Variants in ACYP2 observed in about 807,000 individuals in gnomAD.
The protein encoded by ACYP2 is acylphosphatase 2.
ACYP2 carries 12 observed loss-of-function variants against 11.2 expected under a neutral mutation model. The ratio of observed to expected loss-of-function variants is 1.08; its 90% CI spans 0.69 to 1.74. The LOEUF (loss-of-function observed/expected upper bound fraction) is 1.74. Ranked by LOEUF, ACYP2 falls within the 40% of genes most tolerant of loss-of-function variation. The pLI is 0.00. For missense variants in ACYP2, 134 were observed against 101.9 expected (o/e 1.31, Z -1.35); for synonymous variants, 43 against 32.2 (o/e 1.33, Z -1.13).
At chr2:54,144,472 G>A (rs1041846507) in intron 6 of ACYP2, among the ~76,000 whole-genome samples, 2 of 152,134 alleles carry the variant, frequency 1.3e-5, no homozygotes, top group East Asian at 1.9e-4. Context: ...TCAGGAGTTT[G>A]AGACCAGCCT....
At chr2:54,268,649 A>AT (rs909028749) in intron 6 of ACYP2, among the ~76,000 whole-genome samples, 3 of 151,528 alleles carry the variant, frequency 2.0e-5, no homozygotes, top group African/African-American at 7.3e-5. Flanking sequence ...CAAAAAAAAA[A>AT]AAAAAAAAAA....
chr2:54,072,650 C>T (rs1677126411), intron 4 of ACYP2, among the ~76,000 whole-genome samples: 2 of 151,446 alleles, frequency 1.3e-5, no homozygotes, highest in South Asian at 4.2e-4. Context: ...GCAACCTCTG[C>T]CCCCTGGGCT....
At chr2:54,100,391 C>T (rs1268582736) in intron 4 of ACYP2, among the ~76,000 whole-genome samples, 2 of 151,248 alleles carry the variant, frequency 1.3e-5, no homozygotes, top group African/African-American at 4.9e-5. Context: ...AAGCCTCAAC[C>T]TCTGCGGCCC....
chr2:54,209,706 G>C (rs956751342), intron 6 of ACYP2, among the ~76,000 whole-genome samples: 1 of 152,136 alleles, frequency 6.6e-6, no homozygotes, highest in African/African-American at 2.4e-5. Flanking sequence ...TATAGAGACT[G>C]TTAAAAAAGG....
At chr2:54,099,940 C>G (rs563946016) in intron 4 of ACYP2, among the ~76,000 whole-genome samples, 1 of 152,256 alleles carries the variant, frequency 6.6e-6, no homozygotes, top group African/African-American at 2.4e-5. Context: ...TTCTCCACAC[C>G]CTCGCCAACA....
intron 4 of ACYP2, among the ~76,000 whole-genome samples, chr2:54,089,275 C>A (rs1165238801): frequency 6.7e-6 from 1 of 149,640 alleles, no homozygotes. Context: ...TGTTAACTTG[C>A]TAACTAAGTA....
chr2:54,203,626 C>T (rs1684945570), intron 6 of ACYP2, among the ~76,000 whole-genome samples: 1 of 152,002 alleles, frequency 6.6e-6, no homozygotes. Flanking sequence ...GTGGAGAAAG[C>T]TTCTATTACT....
At chr2:54,264,776 A>G (rs1687943644) in intron 6 of ACYP2, among the ~76,000 whole-genome samples, 2 of 152,260 alleles carry the variant, frequency 1.3e-5, no homozygotes, top group South Asian at 2.1e-4. Context: ...TAAAGCTCTC[A>G]AAAGCATTCT....
At chr2:54,249,140 A>C (rs1224872408) in intron 6 of ACYP2, among the ~76,000 whole-genome samples, 1 of 152,050 alleles carries the variant, frequency 6.6e-6, no homozygotes, top group East Asian at 1.9e-4. Context: ...AGGATATTTG[A>C]GCAAAAGGGA....
intron 2 of ACYP2, among the ~76,000 whole-genome samples, chr2:53,980,151 A>G (rs1213272903): frequency 3.3e-5 from 5 of 151,928 alleles, no homozygotes; most frequent in African/African-American, 9.7e-5. Context: ...AAGACCAGCT[A>G]TGTTACCAAG....
At chr2:54,282,177 G>A (rs963788139) in intron 6 of ACYP2, among the ~76,000 whole-genome samples, 3 of 152,094 alleles carry the variant, frequency 2.0e-5, no homozygotes, top group Non-Finnish European at 4.4e-5. Context: ...TGAAATAACA[G>A]AAGAATATAC....
chr2:54,291,694 T>C (rs1469114299), intron 6 of ACYP2, among the ~76,000 whole-genome samples: 1 of 152,220 alleles, frequency 6.6e-6, no homozygotes, highest in Non-Finnish European at 1.5e-5. Flanking sequence ...GGTGTGAAGA[T>C]CTAGCCCATG....
chr2:54,216,432 A>G (rs1242711528), intron 6 of ACYP2, among the ~76,000 whole-genome samples: 1 of 152,182 alleles, frequency 6.6e-6, no homozygotes, highest in Admixed American at 6.5e-5. Flanking sequence ...TATATTAAAT[A>G]TGAAGATTAA....
At chr2:54,232,733 G>C (rs1686291264) in intron 6 of ACYP2, among the ~76,000 whole-genome samples, 1 of 152,134 alleles carries the variant, frequency 6.6e-6, no homozygotes, top group Non-Finnish European at 1.5e-5. Flanking sequence ...AGCAAGGCAT[G>C]TCTTACATGG....
At chr2:54,200,273 G>A (rs1460765949) in intron 6 of ACYP2, among the ~76,000 whole-genome samples, 17 of 152,028 alleles carry the variant, frequency 1.1e-4, no homozygotes, top group African/African-American at 3.9e-4. Flanking sequence ...ATATGTGTGT[G>A]TACATATATA....
chr2:54,093,619 G>C (rs1462114240), intron 4 of ACYP2, among the ~76,000 whole-genome samples: 1 of 152,194 alleles, frequency 6.6e-6, no homozygotes, highest in Non-Finnish European at 1.5e-5. Flanking sequence ...TTTCTCATCT[G>C]TCAAGTGGGA....
chr2:54,260,683 G>A (rs62139256), intron 6 of ACYP2, among the ~76,000 whole-genome samples: 8 of 152,144 alleles, frequency 5.3e-5, no homozygotes, highest in Admixed American at 2.6e-4. Flanking sequence ...AGTGGTTTGA[G>A]AATGACCTGC....
intron 6 of ACYP2, among the ~76,000 whole-genome samples, chr2:54,261,023 C>T (rs1687752441): frequency 6.6e-6 from 1 of 152,122 alleles, no homozygotes; most frequent in South Asian, 2.1e-4. Context: ...TCGATAAAAT[C>T]AGTTAGTGGG....
chr2:54,028,277 A>G (rs1201154615), intron 2 of ACYP2, among the ~76,000 whole-genome samples: 2 of 152,128 alleles, frequency 1.3e-5, no homozygotes, highest in East Asian at 1.9e-4. Context: ...GAATTTGTCT[A>G]ATGTTTTTCT....
Sources: allele counts gnomAD v4.1 joint callset (sites outside exome capture counted in the v4.1 genomes callset), GRCh38; gene constraint gnomAD v4.1.1; transcripts MANE v1.5; gene names NCBI Gene and HGNC (gene_info 2026-07-23, HGNC 2026-07-21).